TTC39C: variants seen among roughly 807,000 people sequenced by gnomAD.
The protein encoded by TTC39C is tetratricopeptide repeat domain 39C.
Under a neutral mutation model 76.3 loss-of-function variants are expected in TTC39C, and 33 were observed. The observed-to-expected ratio is 0.43, with a 90% confidence interval of 0.33 to 0.58. TTC39C has a LOEUF of 0.58. Among genes scored for constraint, TTC39C ranks in the 20% least tolerant of loss-of-function variants. The pLI is 0.04. For synonymous variants in TTC39C, 254 were observed against 260.6 expected (o/e 0.97, Z 0.24); for missense variants, 595 against 701.4 (o/e 0.85, Z 1.71).
chr18:24,112,011 A>G (rs2084821257), intron 6 of TTC39C, among the ~76,000 whole-genome samples: 2 of 152,202 alleles, frequency 1.3e-5, no homozygotes, highest in Admixed American at 1.3e-4. Context: ...TCAGGATAGA[A>G]CTAGAATGAA....
At chr18:24,017,690 G>A (rs190457564) in intron 1 of TTC39C, among the ~76,000 whole-genome samples, 42 of 152,336 alleles carry the variant, frequency 2.8e-4, no homozygotes, top group African/African-American at 8.7e-4. Flanking sequence ...AGGCTCAGCA[G>A]TGACTTGATA....
At chr18:24,118,260 CCTCT>C (rs1234581437) in intron 8 of TTC39C, 28 bp downstream of exon 8, 10 of 1,574,538 alleles carry the variant, frequency 6.4e-6, no homozygotes, top group Non-Finnish European at 8.7e-6. Context: ...CCTCAGTGTG[CCTCT>C]CTCTGTCGTG....
At chr18:24,035,667 T>C (rs985842351) in intron 1 of TTC39C, among the ~76,000 whole-genome samples, 1 of 152,064 alleles carries the variant, frequency 6.6e-6, no homozygotes, top group Non-Finnish European at 1.5e-5. Flanking sequence ...CTTTATGTAT[T>C]CTGGATATTA....
chr18:24,024,556 G>A (rs74584870), intron 1 of TTC39C, among the ~76,000 whole-genome samples: 1,590 of 152,236 alleles, frequency 0.01, 26 homozygotes, highest in African/African-American at 0.033. Flanking sequence ...AATACTGGCT[G>A]TTGAAGTGGT....
chr18:24,104,666 C>T (rs1346418644), intron 6 of TTC39C, among the ~76,000 whole-genome samples: 4 of 148,896 alleles, frequency 2.7e-5, no homozygotes, highest in Non-Finnish European at 5.9e-5. Context: ...GACCAGTGCC[C>T]AGCGCTTAGG....
At chr18:24,002,858 G>A (rs1568400436) in intron 1 of TTC39C, among the ~76,000 whole-genome samples, 1 of 152,190 alleles carries the variant, frequency 6.6e-6, no homozygotes, top group East Asian at 1.9e-4. Context: ...AACAGAAAGA[G>A]AACTAACAAT....
chr18:24,113,510 G>T, intron 6 of TTC39C: 1 of 693,406 alleles, frequency 1.4e-6, no homozygotes, highest in Non-Finnish European at 2.6e-6. Flanking sequence ...AAAGCAGCAG[G>T]AGACGCACCT....
intron 1 of TTC39C, among the ~76,000 whole-genome samples, chr18:24,049,240 A>T (rs960144898): frequency 6.6e-6 from 1 of 152,208 alleles, no homozygotes; most frequent in African/African-American, 2.4e-5. Flanking sequence ...CGTGGAAAAG[A>T]TTTTTGTTTA....
At chr18:24,075,514 C>A (rs921740263) in intron 4 of TTC39C, among the ~76,000 whole-genome samples, 1 of 151,758 alleles carries the variant, frequency 6.6e-6, no homozygotes, top group African/African-American at 2.4e-5. Context: ...CAAAACCCAT[C>A]TCTACTAAAA....
intron 6 of TTC39C, among the ~76,000 whole-genome samples, chr18:24,086,180 C>T (rs1431607318): frequency 1.3e-5 from 2 of 152,104 alleles, no homozygotes; most frequent in African/African-American, 2.4e-5. Flanking sequence ...CTCTTTTTAT[C>T]AACACGTACT....
chr18:24,071,000 T>C (rs2226706), intron 4 of TTC39C, among the ~76,000 whole-genome samples: 32,519 of 151,836 alleles, frequency 0.21, 4,065 homozygotes, highest in African/African-American at 0.34. Flanking sequence ...GCGATCTTGG[T>C]TCACTGCAAC....
upstream of TTC39C, among the ~76,000 whole-genome samples, chr18:24,013,535 G>A (rs992856676): frequency 6.6e-6 from 1 of 151,822 alleles, no homozygotes; most frequent in African/African-American, 2.4e-5. Context: ...AAATTCAGGA[G>A]TTATTTCTAA....
intron 1 of TTC39C, among the ~76,000 whole-genome samples, chr18:24,000,725 C>T (rs1030040711): frequency 6.6e-6 from 1 of 152,178 alleles, no homozygotes. Flanking sequence ...TTCTCAGAAG[C>T]ACCCAGCACT....
At chr18:24,019,215 C>T (rs2083491371) in intron 1 of TTC39C, among the ~76,000 whole-genome samples, 1 of 152,206 alleles carries the variant, frequency 6.6e-6, no homozygotes, top group Admixed American at 6.5e-5. Context: ...AGCCTCCCTC[C>T]TCCCCTCTTG....
intron 1 of TTC39C, among the ~76,000 whole-genome samples, chr18:24,016,366 T>G (rs2083455081): frequency 6.6e-6 from 1 of 152,230 alleles, no homozygotes; most frequent in Non-Finnish European, 1.5e-5. Context: ...TTGTAGTTTT[T>G]AAGAAGCCCT....
Position 24,046,265 on chromosome 18 carries a change from A to G in TTC39C, c.168-17875A>G, listed in dbSNP as rs904306996. 6.7e-5 allele frequency among the ~76,000 whole-genome samples: 10 copies of G among 149,710 alleles called. 1 individual carries two copies. Among genetic ancestry groups the G allele is most frequent in the African/African-American group, 2.6e-4 (10 of 39,194 alleles). On this transcript the variant is annotated intron_variant, in intron 1 of 13. Transcript: ENST00000317571. ...TGAATATTTTTACATAGTTTGTCCT[A>G]CTACACTTCTTACTTGTATCCTGCC...
upstream of TTC39C, among the ~76,000 whole-genome samples, chr18:24,011,321 A>T (rs2083391990): frequency 6.6e-6 from 1 of 152,228 alleles, no homozygotes; most frequent in Non-Finnish European, 1.5e-5. Context: ...CTTGCCAATT[A>T]AAGCCAGTGA....
intron 6 of TTC39C, among the ~76,000 whole-genome samples, chr18:24,092,113 A>T (rs1198688088): frequency 7.2e-6 from 1 of 138,066 alleles, no homozygotes; most frequent in East Asian, 2.0e-4. Flanking sequence ...AAAAAAAAAA[A>T]AAAAAAAAAA....
chr18:24,014,559 C>T (rs1184566440), upstream of TTC39C: 1 of 219,718 alleles, frequency 4.6e-6, no homozygotes, highest in Non-Finnish European at 8.8e-6. Flanking sequence ...GTGAGAGACA[C>T]CCGGAAACGG....
Sources: allele counts gnomAD v4.1 joint callset (sites outside exome capture counted in the v4.1 genomes callset), GRCh38; gene constraint gnomAD v4.1.1; transcripts MANE v1.5; gene names NCBI Gene and HGNC (gene_info 2026-07-23, HGNC 2026-07-21).